The following CEP20 variants were observed in gnomAD, a reference collection of about 807,000 sequenced individuals.
The protein encoded by CEP20 is centrosomal protein 20.
Under a neutral mutation model 20.0 loss-of-function variants are expected in CEP20, and 18 were observed. That is an observed-to-expected ratio of 0.90 (90% CI 0.62 to 1.34). The LOEUF is 1.34. Ranked by LOEUF, CEP20 falls within the 40% of genes most tolerant of loss-of-function variation. The probability of loss-of-function intolerance (pLI) is 0.00; values close to 1 mark genes in which losing one functional copy is unlikely to be tolerated. For synonymous variants in CEP20, 77 were observed against 73.7 expected, an observed-to-expected ratio of 1.04 and a Z score of -0.23; for missense variants, 215 against 201.6, an observed-to-expected ratio of 1.07 and a Z score of -0.40.
At chr16:15,875,174 A>G (rs62031714) in intron 3 of CEP20, among the ~76,000 whole-genome samples, 11,490 of 152,200 alleles carry the variant, frequency 0.075, 572 homozygotes, top group Middle Eastern at 0.16. Context: ...TCCATGCCAC[A>G]GGGAAACCAG....
At chr16:15,868,481 C>T (rs1437837075) in intron 4 of CEP20, among the ~76,000 whole-genome samples, 1 of 152,082 alleles carries the variant, frequency 6.6e-6, no homozygotes, top group African/African-American at 2.4e-5. Context: ...AAATGTAATG[C>T]AAAAACTAGA....
chr16:15,873,146 T>G (rs1422486370), intron 4 of CEP20, among the ~76,000 whole-genome samples: 1 of 152,032 alleles, frequency 6.6e-6, no homozygotes, highest in Non-Finnish European at 1.5e-5. Context: ...TTTCACCATG[T>G]CACTTAGGCT....
At chr16:15,886,919 G>C (rs2045260930) in intron 1 of CEP20, among the ~76,000 whole-genome samples, 1 of 147,564 alleles carries the variant, frequency 6.8e-6, no homozygotes, top group Non-Finnish European at 1.5e-5. Context: ...TTTTTTTTGA[G>C]ACAAGGTCTC....
At position 15,883,932 on chromosome 16, in the gene CEP20, T is replaced by C. The variant is rs761424712; in HGVS notation, c.226+76A>G. The stretch of plus-strand genomic sequence containing the variant: ...GGCACTATCTGGTAAGGGAATTAGA[T>C]TTCTAGGATAAACAGTTTCTGAGAA... On this transcript the variant is annotated intron_variant, in intron 2 of 4. Coordinates refer to ENST00000255759, the MANE Select transcript of CEP20 (RefSeq NM_144600.4). 3.1e-6 allele frequency: 4 copies of C among 1,299,240 alleles called. No homozygotes were observed. The Admixed American group carries it at 8.6e-5, about 28-fold the overall frequency. 80.5% of individuals were successfully genotyped at this position (1,299,240 alleles called of 1,614,324 possible).
In CEP20 at chr16:15,888,560, G is replaced by A. The variant is rs371449713; in HGVS notation, c.26C>T (p.Ala9Val). 1.8e-5 allele frequency: 29 copies of A among 1,614,030 alleles called. No individual in the cohort carries two copies. The highest frequency in any genetic ancestry group is 1.5e-4 in the African/African-American group (11 of 74,928). The change falls in exon 1 of 5, where the codon GCT (alanine) becomes GTT (valine). Residue 9 changes from alanine to valine, a missense_variant and splice_region_variant. Physicochemically the swap from Ala to Val is moderately conservative, Grantham distance 64. Transcript: ENST00000255759. ...GAGGCCTCCCTGCTCGCACTCACCA[G>A]CCTTCAACTCTGCCACAGTCGCCAT... MATVAELK[A>V]VLKDTLEKKG...
chr16:15,870,761 T>C (rs2044794535), intron 4 of CEP20, among the ~76,000 whole-genome samples: 1 of 151,854 alleles, frequency 6.6e-6, no homozygotes, highest in Non-Finnish European at 1.5e-5. Flanking sequence ...CAGTGAGCTA[T>C]GATTGTGCCA....
At chr16:15,882,770 T>TACACACACACA (rs1218534204) in intron 2 of CEP20, among the ~76,000 whole-genome samples, 102 of 78,964 alleles carry the variant, frequency 1.3e-3, no homozygotes, top group Admixed American at 5.0e-3. Flanking sequence ...TATCTATCTA[T>TACACACACACA]CTATCTATCT....
intron 4 of CEP20, among the ~76,000 whole-genome samples, chr16:15,872,946 AC>A (rs1322858798): frequency 6.6e-6 from 1 of 151,946 alleles, no homozygotes; most frequent in East Asian, 1.9e-4. Context: ...TAGCAATCTT[AC>A]CTTTTATTTT....
chr16:15,876,471 T>C lies in CEP20; in HGVS notation c.312-2844A>G, dbSNP rs537515872. Among the ~76,000 whole-genome samples the C allele has an allele frequency of 4.8e-4, 72 of 148,924 alleles. No individual in the cohort carries two copies. The South Asian group carries it at 0.01, about 21-fold the overall frequency. On this transcript the variant is annotated intron_variant, in intron 3 of 4. Coordinates refer to ENST00000255759, the MANE Select transcript of CEP20 (RefSeq NM_144600.4). ...GCCTGGACGACAGAGTGAGACTCTG[T>C]CTCGAAAAAAAAAAAAAGAACTCTC...
intron 1 of CEP20, among the ~76,000 whole-genome samples, chr16:15,884,876 G>A (rs768933739): frequency 1.3e-5 from 2 of 152,076 alleles, no homozygotes; most frequent in Non-Finnish European, 2.9e-5. Flanking sequence ...CTGAACTTAA[G>A]CCCCAGTCTC....
chr16:15,879,247 A>AGTTTTT lies in CEP20; in HGVS notation c.311+551_311+556dup, dbSNP rs532339028. 6.5e-3 allele frequency among the ~76,000 whole-genome samples: 980 copies of AGTTTTT among 150,962 alleles called. 4 individuals are homozygous for AGTTTTT. Among genetic ancestry groups the AGTTTTT allele is most frequent in the Non-Finnish European group, 9.9e-3 (669 of 67,730 alleles). ...CAGAAGCTTGGGGTTGGAAGTTCAT[A>AGTTTTT]GTTTTTGTTTTTGTTTTTGTTTTTG... On this transcript the variant is annotated intron_variant, in intron 3 of 4. Coordinates refer to ENST00000255759, the MANE Select transcript of CEP20 (RefSeq NM_144600.4).
chr16:15,881,928 G>T (rs182352763), intron 2 of CEP20, among the ~76,000 whole-genome samples: 10 of 152,172 alleles, frequency 6.6e-5, no homozygotes, highest in Admixed American at 5.9e-4. Flanking sequence ...GTTTCCCGCT[G>T]CTAGAGTCTG....
intron 2 of CEP20, among the ~76,000 whole-genome samples, chr16:15,880,959 T>C (rs986513683): frequency 4.6e-5 from 7 of 150,968 alleles, no homozygotes; most frequent in African/African-American, 1.7e-4. Flanking sequence ...GGCTTAGGGC[T>C]CCCACTGATT....
chr16:15,881,001 A>G (rs1019837541), intron 2 of CEP20, among the ~76,000 whole-genome samples: 4 of 152,000 alleles, frequency 2.6e-5, no homozygotes, highest in African/African-American at 9.7e-5. Flanking sequence ...TTATTTCATT[A>G]TATATTACAA....
Position 15,873,498 on chromosome 16 carries a change from CTT to C in CEP20, c.439_440del (p.Lys147AlafsTer4). 6.2e-7 allele frequency: 1 copy of C among 1,611,514 alleles called. No individual in the cohort carries two copies. Among genetic ancestry groups the C allele is most frequent in the Non-Finnish European group, 8.5e-7 (1 of 1,179,342 alleles). ...ATCTTGGAAAACTCATACCCATTGGCTTTCTTCTACTAGGTTGTCTGCCAAGA... is the reference window on the plus strand; with the variant it reads ...ATCTTGGAAAACTCATACCCATTGGCTCTTCTACTAGGTTGTCTGCCAAGA... ...PSLGRQPSRR[K>X]PMDDHLRKEE... On this transcript the variant is annotated frameshift_variant, in exon 4 of 5. Coordinates refer to ENST00000255759, the MANE Select transcript of CEP20 (RefSeq NM_144600.4). LOFTEE classifies it low-confidence loss of function (END_TRUNC).
chr16:15,882,662 T>C (rs2045127572), intron 2 of CEP20, among the ~76,000 whole-genome samples: 2 of 152,184 alleles, frequency 1.3e-5, no homozygotes, highest in African/African-American at 4.8e-5. Flanking sequence ...ACCATGCTTT[T>C]AGATACATAC....
chr16:15,874,425 T>C (rs2044894417), intron 3 of CEP20, among the ~76,000 whole-genome samples: 1 of 152,188 alleles, frequency 6.6e-6, no homozygotes, highest in African/African-American at 2.4e-5. Flanking sequence ...GGAGATTTGC[T>C]AGAGATTCCC....
At chr16:15,876,328 A>T (rs1170643648) in intron 3 of CEP20, among the ~76,000 whole-genome samples, 1 of 152,012 alleles carries the variant, frequency 6.6e-6, no homozygotes, top group East Asian at 1.9e-4. Flanking sequence ...ACAAAAAATT[A>T]GCCAGGCGTG....
Position 15,881,548 on chromosome 16 carries a change from C to T in CEP20, c.227-1660G>A, listed in dbSNP as rs369270864. Among the ~76,000 whole-genome samples the T allele has an allele frequency of 1.6e-4, 24 of 152,230 alleles. No homozygotes were observed. In the South Asian group the frequency reaches 4.1e-3, roughly 26 times the overall value. Reference sequence around the variant, plus strand: ...TCTCTTGCAAAATCTACTTCCTGGCCTCGCTTCTTTGCTGAGGCATGAAGT... The same window carrying T: ...TCTCTTGCAAAATCTACTTCCTGGCTTCGCTTCTTTGCTGAGGCATGAAGT... On this transcript the variant is annotated intron_variant, in intron 2 of 4. Coordinates refer to ENST00000255759, the MANE Select transcript of CEP20 (RefSeq NM_144600.4).
Sources: allele counts gnomAD v4.1 joint callset (sites outside exome capture counted in the v4.1 genomes callset), GRCh38; gene constraint gnomAD v4.1.1; transcripts MANE v1.5; gene names NCBI Gene and HGNC (gene_info 2026-07-23, HGNC 2026-07-21).